ESYT3: variants seen among roughly 807,000 people sequenced by gnomAD.
The protein encoded by ESYT3 is extended synaptotagmin-3.
ESYT3 carries 101 observed loss-of-function variants against 111.5 expected under a neutral mutation model. The ratio of observed to expected loss-of-function variants is 0.91; its 90% CI spans 0.77 to 1.07. The LOEUF is 1.07. ESYT3 is among the 50% of genes least tolerant of loss of function. The pLI, the probability that ESYT3 is intolerant of heterozygous loss-of-function variation, is 0.00. For missense variants in ESYT3, 1,097 were observed against 1,109.4 expected, an observed-to-expected ratio of 0.99 and a Z score of 0.16; for synonymous variants, 416 against 446.8, an observed-to-expected ratio of 0.93 and a Z score of 0.87.
At chr3:138,465,784 G>C (rs1249762712) in intron 10 of ESYT3, among the ~76,000 whole-genome samples, 1 of 152,170 alleles carries the variant, frequency 6.6e-6, no homozygotes, top group African/African-American at 2.4e-5. Flanking sequence ...CCATGCTCTA[G>C]GGGGTAGAAC....
intron 2 of ESYT3, among the ~76,000 whole-genome samples, chr3:138,452,648 C>T (rs895845172): frequency 6.6e-6 from 1 of 152,178 alleles, no homozygotes; most frequent in African/African-American, 2.4e-5. Flanking sequence ...CTTGGCCGAG[C>T]CCTCCCCAGC....
At position 138,470,927 on chromosome 3, in the gene ESYT3, G is replaced by A; in HGVS notation, c.1641G>A (p.Leu547=). The A allele has an allele frequency of 6.2e-7, 1 of 1,614,188 alleles. No individual in the cohort carries two copies. The highest frequency in any genetic ancestry group is 8.5e-7 in the Non-Finnish European group (1 of 1,180,040). ...CTCTGGGAATGCTGGAGGTCCCCCT[G>A]TGCCAGATCCTCCCCTATGCTGACC... is the stretch of plus-strand genomic sequence containing the variant. The part of the protein sequence containing the change: ...ECALGMLEVP[L]CQILPYADLT... Residue 547 remains leucine, a synonymous_variant, in exon 17 of 23, where the codon CTG becomes CTA. Coordinates refer to ENST00000389567, the MANE Select transcript of ESYT3 (RefSeq NM_031913.5).
chr3:138,459,106 A>C, intron 4 of ESYT3, 81 bp from the exon 5 acceptor site: 1 of 1,186,884 alleles, frequency 8.4e-7, no homozygotes, highest in Non-Finnish European at 1.2e-6. Flanking sequence ...CGGCTGTGTG[A>C]CACTGGGCAA....
chr3:138,475,373 C>CT (rs2033431587), intron 20 of ESYT3, among the ~76,000 whole-genome samples: 1 of 152,174 alleles, frequency 6.6e-6, no homozygotes, highest in African/African-American at 2.4e-5. Flanking sequence ...AAATCTGTTA[C>CT]TAATTCTCAA....
Position 138,435,213 on chromosome 3 carries a change from A to G in ESYT3, c.327+88A>G. 1 of 1,325,266 alleles carries G rather than the reference A, an allele frequency of 7.5e-7. No individual in the cohort carries two copies. Among genetic ancestry groups the G allele is most frequent in the East Asian group, 2.5e-5 (1 of 39,544 alleles). 82.1% of individuals were successfully genotyped at this position (1,325,266 alleles called of 1,614,324 possible). On this transcript the variant is annotated intron_variant, in intron 1 of 22. Transcript: ENST00000389567. This position sits in a 1 kb window ranked among gnomAD's most constrained non-coding sequence, Gnocchi z 4.8. ...CGGTCAGCGGGGAGCTGGTGCGCGCAAACCCGAGGCAGGGCGGGAGCCCGG... is the reference window on the plus strand; with the variant it reads ...CGGTCAGCGGGGAGCTGGTGCGCGCGAACCCGAGGCAGGGCGGGAGCCCGG...
At chr3:138,439,492 G>A (rs2030980671) in intron 1 of ESYT3, among the ~76,000 whole-genome samples, 2 of 152,152 alleles carry the variant, frequency 1.3e-5, no homozygotes, top group African/African-American at 2.4e-5. Context: ...ACCCTTCTTG[G>A]GGTAACCTTT....
chr3:138,476,448 G>A lies in ESYT3; in HGVS notation c.2580G>A (p.Leu860=). 6.2e-7 allele frequency: 1 copy of A among 1,613,966 alleles called. No individual in the cohort carries two copies. The highest frequency in any genetic ancestry group is 8.5e-7 in the Non-Finnish European group (1 of 1,179,938). The change falls in exon 22 of 23, where the codon CTG becomes CTA. Residue 860 remains leucine (L), a synonymous_variant. Coordinates refer to ENST00000389567, the MANE Select transcript of ESYT3 (RefSeq NM_031913.5). ...AATTATTTGTGATTATTTAGGTACT[G>A]ATTGACTTATCAAAAGAAGATCTGA... ...SHRRKELGKV[L]IDLSKEDLIK... is the part of the protein sequence containing the mutation.
chr3:138,457,898 A>C (rs920641449), intron 4 of ESYT3, among the ~76,000 whole-genome samples: 11 of 152,098 alleles, frequency 7.2e-5, no homozygotes, highest in Admixed American at 3.3e-4. Flanking sequence ...GGATGTGTCT[A>C]GTGGGAGCAA....
chr3:138,465,476 T>TATCTAGCCCAGCACCCC, intron 10 of ESYT3, 55 bp downstream of exon 10: 1 of 1,422,790 alleles, frequency 7.0e-7, no homozygotes, highest in Non-Finnish European at 9.7e-7. Flanking sequence ...CCCTGCGGGG[T>TATCTAGCCCAGCACCCC]GCTGGGCTAG....
intron 1 of ESYT3, among the ~76,000 whole-genome samples, chr3:138,448,033 C>T (rs774795996): frequency 2.0e-5 from 3 of 151,514 alleles, no homozygotes; most frequent in East Asian, 3.9e-4. Context: ...GTTGGGAGGC[C>T]GAGGCTGGTG....
chr3:138,442,560 C>G (rs532662285), intron 1 of ESYT3, among the ~76,000 whole-genome samples: 1 of 152,204 alleles, frequency 6.6e-6, no homozygotes, highest in Non-Finnish European at 1.5e-5. Context: ...GCCCCACCCC[C>G]AGGACTCTTG....
rs2033600925 is a variant in ESYT3 at position 138,478,820 on chromosome 3, T to G, written c.*1966T>G. On this transcript the variant is annotated 3_prime_UTR_variant, in exon 23 of 23. Coordinates refer to ENST00000389567, the MANE Select transcript of ESYT3 (RefSeq NM_031913.5). ...TGCCACTGAGGACAAGAATTGGTTT[T>G]CAGCAGTGGGTGGAAACAATCAGCT... 6.6e-6 allele frequency: 1 copy of G among 152,226 alleles called. No homozygotes were observed. The highest frequency in any genetic ancestry group is 1.5e-5 in the Non-Finnish European group (1 of 68,060). 9.4% of individuals were successfully genotyped at this position (152,226 alleles called of 1,614,324 possible). A position where few individuals can be genotyped will look rare whatever the true frequency, so the allele number is the denominator to read the frequency against.
chr3:138,449,294 C>T (rs1329361540), intron 1 of ESYT3, among the ~76,000 whole-genome samples: 1 of 151,904 alleles, frequency 6.6e-6, no homozygotes, highest in African/African-American at 2.4e-5. Context: ...CCATGTTGGC[C>T]AGGCTGGTCT....
At chr3:138,476,559 T>C in intron 22 of ESYT3, 67 bp downstream of exon 22, 2 of 1,492,934 alleles carry the variant, frequency 1.3e-6, no homozygotes, top group Admixed American at 3.4e-5. Context: ...TTTTCAGTAC[T>C]GTTTCAGCTC....
chr3:138,451,246 G>C (rs1396799059), intron 1 of ESYT3, among the ~76,000 whole-genome samples: 1 of 152,158 alleles, frequency 6.6e-6, no homozygotes, highest in East Asian at 1.9e-4. Flanking sequence ...TTGTGACCCC[G>C]TAGTTGGAAG....
At position 138,472,353 on chromosome 3, in the gene ESYT3, C is replaced by T; in HGVS notation, c.1741-10C>T. 6.2e-7 allele frequency: 1 copy of T among 1,611,862 alleles called. No homozygotes were observed. Among genetic ancestry groups the T allele is most frequent in the Non-Finnish European group, 8.5e-7 (1 of 1,179,044 alleles). ...CTCAGCTCATAAGCCACCCTCTTATCTGCTTGCAGTTCCTGCAAGTGGAGG... is the reference window on the plus strand; with the variant it reads ...CTCAGCTCATAAGCCACCCTCTTATTTGCTTGCAGTTCCTGCAAGTGGAGG... On this transcript the variant is annotated splice_polypyrimidine_tract_variant and intron_variant, in intron 17 of 22. Coordinates refer to ENST00000389567, the MANE Select transcript of ESYT3 (RefSeq NM_031913.5).
intron 17 of ESYT3, among the ~76,000 whole-genome samples, chr3:138,471,500 TCTC>T (rs1483673109): frequency 5.3e-5 from 8 of 152,258 alleles, no homozygotes; most frequent in African/African-American, 1.7e-4. Context: ...TTTATTATCT[TCTC>T]ATGTTTATAT....
At chr3:138,474,136 C>T in intron 19 of ESYT3, 85 bp from the exon 20 acceptor site, 6 of 1,535,080 alleles carry the variant, frequency 3.9e-6, no homozygotes, top group Non-Finnish European at 5.3e-6. Flanking sequence ...GTTTGAAACT[C>T]TCAAACACTG....
At chr3:138,468,584 A>G in intron 12 of ESYT3, 71 bp from the exon 13 acceptor site, 3 of 1,510,688 alleles carry the variant, frequency 2.0e-6, no homozygotes, top group Non-Finnish European at 2.8e-6. Context: ...TGCCATGAGT[A>G]GGCTTCTCCA....
Sources: allele counts gnomAD v4.1 joint callset (sites outside exome capture counted in the v4.1 genomes callset), GRCh38; gene constraint gnomAD v4.1.1; non-coding constraint Gnocchi (gnomAD v3.1); transcripts MANE v1.5; gene names NCBI Gene and HGNC (gene_info 2026-07-23, HGNC 2026-07-21).